CAMKK1: variants seen among roughly 807,000 people sequenced by gnomAD.
CAMKK1 encodes calcium/calmodulin dependent protein kinase kinase 1.
CAMKK1 carries 20 observed loss-of-function variants against 63.5 expected under a neutral mutation model. That is an observed-to-expected ratio of 0.32 (90% CI 0.22 to 0.46). CAMKK1 has a LOEUF of 0.46. Ranked by LOEUF, CAMKK1 falls within the 20% of genes least tolerant of loss-of-function variation. CAMKK1 has a pLI of 1.00. For missense variants in CAMKK1, 588 were observed against 658.1 expected, an observed-to-expected ratio of 0.89 and a Z score of 1.17; for synonymous variants, 253 against 269.0, an observed-to-expected ratio of 0.94 and a Z score of 0.58.
At position 3,883,172 on chromosome 17, in the gene CAMKK1, C is replaced by T. The variant is rs367817211; in HGVS notation, c.518G>A (p.Arg173His). 29 of 1,609,568 alleles carry T rather than the reference C, an allele frequency of 1.8e-5. 1 individual carries two copies. Among genetic ancestry groups the T allele is most frequent in the African/African-American group, 1.1e-4 (8 of 74,902 alleles). The stretch of plus-strand genomic sequence containing the variant: ...AGCCTGGGACCCTCTCGGGGGAGGG[C>T]GACCTGTGACCAGGAAGAGAACTCA... ...KLLKQYGFPRRPPPRGSQAAQ... is the reference protein window; with the variant it reads ...KLLKQYGFPRHPPPRGSQAAQ... Residue 173 changes from arginine (R) to histidine (H), a missense_variant, in exon 6 of 16, where the codon CGC (arginine) becomes CAC (histidine). Arg to His is a conservative substitution (Grantham distance 29). Coordinates refer to ENST00000348335, the MANE Select transcript of CAMKK1 (RefSeq NM_032294.3). This position sits in a 1 kb window ranked among gnomAD's most constrained non-coding sequence, Gnocchi z 4.7.
chr17:3,886,547 G>A (rs561129274), intron 1 of CAMKK1, among the ~76,000 whole-genome samples: 6 of 152,244 alleles, frequency 3.9e-5, no homozygotes, highest in South Asian at 2.1e-4. Flanking sequence ...CAGGAGAATC[G>A]TGTGAACTTG....
At chr17:3,873,599 A>T (rs2055002686) in intron 10 of CAMKK1, 137 bp from the exon 11 acceptor site, 1 of 830,678 alleles carries the variant, frequency 1.2e-6, no homozygotes, top group Non-Finnish European at 2.0e-6. Context: ...ACTCCGCGGT[A>T]CTTGCCCGAT....
rs375228082 is a variant in CAMKK1 at position 3,889,531 on chromosome 17, A to C, written c.-44+3408T>G. Among the ~76,000 whole-genome samples the C allele has an allele frequency of 1.6e-4, 25 of 152,112 alleles. No individual in the cohort carries two copies. The East Asian group carries it at 4.1e-3, about 25-fold the overall frequency. Reference sequence around the variant, plus strand: ...TTTCCTAACACGTGCATCAAGCAGAAGGCCACTGTCCTGCCAACTCCCAGG... The same window carrying C: ...TTTCCTAACACGTGCATCAAGCAGACGGCCACTGTCCTGCCAACTCCCAGG... On this transcript the variant is annotated intron_variant, in intron 1 of 15. Transcript: ENST00000348335. The surrounding 1 kb of genome is among the most constrained non-coding windows in gnomAD (Gnocchi z 5.2).
At chr17:3,870,558 G>A (rs1397074069) in intron 12 of CAMKK1, among the ~76,000 whole-genome samples, 3 of 152,032 alleles carry the variant, frequency 2.0e-5, no homozygotes, top group African/African-American at 4.8e-5. Flanking sequence ...GTAGAGACGG[G>A]GTTTCACCGT....
chr17:3,865,831 G>A, intron 15 of CAMKK1, 77 bp downstream of exon 15: 1 of 1,593,360 alleles, frequency 6.3e-7, no homozygotes, highest in Non-Finnish European at 8.6e-7. Flanking sequence ...ACGACAGTGA[G>A]AGTGGGAGGA....
At chr17:3,870,581 G>A (rs1274744255) in intron 12 of CAMKK1, among the ~76,000 whole-genome samples, 5 of 152,098 alleles carry the variant, frequency 3.3e-5, no homozygotes, top group African/African-American at 1.2e-4. Context: ...TAGCCAGGAT[G>A]ATCTCGATCT....
In CAMKK1 at chr17:3,881,652, A is replaced by T; in HGVS notation, c.686-4T>A. ...CCCTTTCTCAGGAGGTCAAACACTG[A>T]AAGAAAAGACAAGAAGGTAAGGTGT... On this transcript the variant is annotated splice_polypyrimidine_tract_variant and splice_region_variant and intron_variant, in intron 7 of 15. Coordinates refer to ENST00000348335, the MANE Select transcript of CAMKK1 (RefSeq NM_032294.3). 1 of 1,566,284 alleles carries T rather than the reference A, an allele frequency of 6.4e-7. No homozygotes were observed. Among genetic ancestry groups the T allele is most frequent in the Non-Finnish European group, 8.7e-7 (1 of 1,153,682 alleles).
chr17:3,868,645 C>A (rs2054682281), intron 14 of CAMKK1, among the ~76,000 whole-genome samples: 1 of 151,888 alleles, frequency 6.6e-6, no homozygotes, highest in Non-Finnish European at 1.5e-5. Context: ...TGAGCAAGGG[C>A]CATCTATTTC....
Position 3,883,250 on chromosome 17 carries a change from G to T in CAMKK1, c.515-75C>A. The T allele has an allele frequency of 2.5e-6, 4 of 1,587,010 alleles. No homozygotes were observed. Among genetic ancestry groups the T allele is most frequent in the Non-Finnish European group, 3.4e-6 (4 of 1,163,840 alleles). On this transcript the variant is annotated intron_variant, in intron 5 of 15. Transcript: ENST00000348335. The surrounding 1 kb of genome is among the most constrained non-coding windows in gnomAD (Gnocchi z 4.7). Reference sequence around the variant, plus strand: ...ACCGTGGCCCCCAAACCAGTCTCAAGCAAGAGTCTTGCATGCCCGTGGTCT... The same window carrying T: ...ACCGTGGCCCCCAAACCAGTCTCAATCAAGAGTCTTGCATGCCCGTGGTCT...
At chr17:3,872,959 T>C (rs1477504706) in intron 11 of CAMKK1, among the ~76,000 whole-genome samples, 8 of 151,778 alleles carry the variant, frequency 5.3e-5, no homozygotes, top group Admixed American at 5.2e-4. Flanking sequence ...TCACTGAAAT[T>C]CCCCCCTGCC....
rs2055480132 is a variant in CAMKK1, at chr17:3,882,966, A to G, written c.648+76T>C. 3 of 1,559,966 alleles carry G rather than the reference A, an allele frequency of 1.9e-6. No individual in the cohort carries two copies. The highest frequency in any genetic ancestry group is 2.6e-6 in the Non-Finnish European group (3 of 1,143,276). On this transcript the variant is annotated intron_variant, in intron 6 of 15. Transcript: ENST00000348335. This position sits in a 1 kb window ranked among gnomAD's most constrained non-coding sequence, Gnocchi z 4.3. ...TGGGCAAGATCCCTGGGTCTGTGCT[A>G]GGGGCTCCCCAGCACCAGAAGCGGC...
chr17:3,866,281 G>A (rs1262701495), intron 14 of CAMKK1, among the ~76,000 whole-genome samples: 1 of 152,230 alleles, frequency 6.6e-6, no homozygotes, highest in Non-Finnish European at 1.5e-5. Context: ...GAAAGAGTGG[G>A]GAGGGCCAGG....
intron 1 of CAMKK1, among the ~76,000 whole-genome samples, chr17:3,885,967 C>T (rs552028856): frequency 1.3e-5 from 2 of 152,376 alleles, no homozygotes; most frequent in East Asian, 3.9e-4. Flanking sequence ...GCAGTCACTT[C>T]TGCCTGCTGG....
rs1032449497 is a variant in CAMKK1, at chr17:3,887,203, C to T, written c.-43-1473G>A. On this transcript the variant is annotated intron_variant, in intron 1 of 15. Transcript: ENST00000348335. The surrounding 1 kb of genome is among the most constrained non-coding windows in gnomAD (Gnocchi z 6.1). ...TTCCCGACTCTGAGCCCCAGTCTCC[C>T]GACTTGTCCTGTGGATTCCCTGCCT... Among the ~76,000 whole-genome samples the T allele has an allele frequency of 6.6e-6, 1 of 152,262 alleles. No individual in the cohort carries two copies. The highest frequency in any genetic ancestry group is 2.1e-4 in the South Asian group (1 of 4,826).
rs2055607610 is a variant in CAMKK1 at position 3,885,498 on chromosome 17, C to A, written c.190G>T (p.Ala64Ser). 2 of 1,613,662 alleles carry A rather than the reference C, an allele frequency of 1.2e-6. No homozygotes were observed. Among genetic ancestry groups the A allele is most frequent in the Admixed American group, 1.7e-5 (1 of 59,986 alleles). The change falls in exon 2 of 16, where the codon GCC becomes TCC. Residue 64 changes from alanine to serine, a missense_variant. Ala to Ser is a moderately conservative substitution (Grantham distance 99). This residue lies in a region of CAMKK1 where 357 missense variants were observed against 407.4 expected (regional missense o/e 0.88). Transcript: ENST00000348335. ...TTCCTGGCTGAGAGGCTAGGCCGGG[C>A]TGGGAGCAGTCTTGAAGTACTGCCA... ...IPGSTSRLLPARPSLSARKLS... is the reference protein window; with the variant it reads ...IPGSTSRLLPSRPSLSARKLS...
At chr17:3,885,932 C>T (rs2143889722) in intron 1 of CAMKK1, among the ~76,000 whole-genome samples, 1 of 152,346 alleles carries the variant, frequency 6.6e-6, no homozygotes, top group East Asian at 1.9e-4. Context: ...CCCTCTAGGC[C>T]TCAGTATCCC....
intron 14 of CAMKK1, among the ~76,000 whole-genome samples, chr17:3,867,384 G>T (rs1354512756): frequency 3.3e-5 from 5 of 152,222 alleles, no homozygotes; most frequent in African/African-American, 1.2e-4. Flanking sequence ...AGGGCGGGTG[G>T]TGGGGCACAG....
chr17:3,865,621 G>A, intron 15 of CAMKK1: 6 of 1,271,810 alleles, frequency 4.7e-6, no homozygotes, highest in Non-Finnish European at 6.0e-6. Context: ...CTGCATGGAA[G>A]AAGGGTCTTC....
At chr17:3,867,769 C>T (rs1248988068) in intron 14 of CAMKK1, among the ~76,000 whole-genome samples, 1 of 152,164 alleles carries the variant, frequency 6.6e-6, no homozygotes, top group Non-Finnish European at 1.5e-5. Flanking sequence ...CCTGGCTCTC[C>T]TCCTGGCCTT....
Sources: allele counts gnomAD v4.1 joint callset (sites outside exome capture counted in the v4.1 genomes callset), GRCh38; gene constraint gnomAD v4.1.1; regional missense constraint gnomAD v4.1.1; non-coding constraint Gnocchi (gnomAD v3.1); transcripts MANE v1.5; gene names NCBI Gene and HGNC (gene_info 2026-07-23, HGNC 2026-07-21).